Variants in ITGA9 observed in about 807,000 individuals in gnomAD.
ITGA9 encodes integrin alpha-9.
Under a neutral mutation model 127.8 loss-of-function variants are expected in ITGA9, and 56 were observed. That is an observed-to-expected ratio of 0.44 (90% CI 0.35 to 0.55). The LOEUF (loss-of-function observed/expected upper bound fraction) is 0.55, where lower values mean the gene tolerates loss of function less well. Ranked by LOEUF, ITGA9 falls within the 20% of genes least tolerant of loss-of-function variation. ITGA9 has a pLI of 0.00. For missense variants in ITGA9, 1,196 were observed against 1,347.1 expected, an observed-to-expected ratio of 0.89 and a Z score of 1.76; for synonymous variants, 508 against 514.5, an observed-to-expected ratio of 0.99 and a Z score of 0.17.
In ITGA9 at chr3:37,471,045, G is replaced by C; in HGVS notation, c.224G>C (p.Ser75Thr). 5 of 1,614,034 alleles carry C rather than the reference G, an allele frequency of 3.1e-6. No homozygotes were observed. Among genetic ancestry groups the C allele is most frequent in the Non-Finnish European group, 3.4e-6 (4 of 1,179,978 alleles). ...VGAPKADSKY[S>T]PSVKSPGAVF... is the part of the protein sequence containing the mutation. The stretch of plus-strand genomic sequence containing the variant: ...GCACCAAAGGCAGATTCCAAATACA[G>C]CCCTTCAGTGAAGTCTCCTGGGGCT... Residue 75 changes from serine (S) to threonine (T), a missense_variant, in exon 2 of 28, where the codon AGC (serine) becomes ACC (threonine). Ser to Thr is a moderately conservative substitution (Grantham distance 58, BLOSUM62 1). Coordinates refer to ENST00000264741, the MANE Select transcript of ITGA9 (RefSeq NM_002207.3).
intron 17 of ITGA9, among the ~76,000 whole-genome samples, chr3:37,681,189 C>T (rs374079308): frequency 1.3e-5 from 2 of 152,108 alleles, no homozygotes; most frequent in Non-Finnish European, 2.9e-5. Flanking sequence ...ACAAGAAAAA[C>T]GTATGCTGGT....
At chr3:37,748,948 AAAG>A in intron 22 of ITGA9, 1 of 645,736 alleles carries the variant, frequency 1.5e-6, no homozygotes, top group Non-Finnish European at 2.8e-6. Flanking sequence ...TTAAAAAAAA[AAAG>A]AAAAAAGAAA....
chr3:37,477,499 T>A (rs1157825038), intron 3 of ITGA9, among the ~76,000 whole-genome samples: 1 of 152,146 alleles, frequency 6.6e-6, no homozygotes, highest in Non-Finnish European at 1.5e-5. Flanking sequence ...TGCCTGCCCA[T>A]CTCAGCTCCA....
chr3:37,634,810 C>T (rs148296510), intron 16 of ITGA9, among the ~76,000 whole-genome samples: 110 of 152,344 alleles, frequency 7.2e-4, no homozygotes, highest in Middle Eastern at 3.4e-3. Context: ...TTCTTCTCAA[C>T]TGCACATGGA....
chr3:37,491,620 G>A (rs760783209), intron 4 of ITGA9, among the ~76,000 whole-genome samples: 1 of 152,180 alleles, frequency 6.6e-6, no homozygotes, highest in Non-Finnish European at 1.5e-5. Context: ...GTGTGACCCA[G>A]GCTTGTTGGG....
Position 37,653,809 on chromosome 3 carries a change from C to T in ITGA9, c.1916+19C>T, listed in dbSNP as rs1440766468. On this transcript the variant is annotated intron_variant, in intron 17 of 27. Coordinates refer to ENST00000264741, the MANE Select transcript of ITGA9 (RefSeq NM_002207.3). ...TCTCCAGGTATGTCGGTGTTTCCTT[C>T]AGAGCATTGTTCTCAGGCTCCTTTT... is the stretch of plus-strand genomic sequence containing the variant. 7 of 1,591,332 alleles carry T rather than the reference C, an allele frequency of 4.4e-6. No homozygotes were observed. Among genetic ancestry groups the T allele is most frequent in the Non-Finnish European group, 6.0e-6 (7 of 1,159,438 alleles).
At chr3:37,661,652 C>T (rs1700538247) in intron 17 of ITGA9, among the ~76,000 whole-genome samples, 1 of 152,220 alleles carries the variant, frequency 6.6e-6, no homozygotes, top group African/African-American at 2.4e-5. Context: ...TATCATTGAG[C>T]TCTCTTGATT....
At position 37,582,807 on chromosome 3, in the gene ITGA9, C is replaced by T. The variant is rs79928984; in HGVS notation, c.1689+40222C>T. ...GTCAGGAATTATGTCTTCTACTGTTCCACAACCCACAAAAGAAGATGTCTG... is the reference window on the plus strand; with the variant it reads ...GTCAGGAATTATGTCTTCTACTGTTTCACAACCCACAAAAGAAGATGTCTG... On this transcript the variant is annotated intron_variant, in intron 15 of 27. Transcript: ENST00000264741. Among the ~76,000 whole-genome samples, 595 of 152,280 alleles carry T rather than the reference C, an allele frequency of 3.9e-3. 1 individual carries two copies. The highest frequency in any genetic ancestry group is 0.014 in the African/African-American group (570 of 41,544).
intron 13 of ITGA9, among the ~76,000 whole-genome samples, chr3:37,526,286 C>T (rs1203043943): frequency 6.6e-6 from 1 of 152,076 alleles, no homozygotes; most frequent in Non-Finnish European, 1.5e-5. Context: ...ATGATAACAT[C>T]CTGGGAGCTT....
chr3:37,803,946 A>G lies in ITGA9; in HGVS notation c.3009+4A>G. ...GCTGGCCGTGCTGCTCTGGAAGGTGAGTCTGGTGATTGCAGGTCCCCCTGG... is the reference window on the plus strand; with the variant it reads ...GCTGGCCGTGCTGCTCTGGAAGGTGGGTCTGGTGATTGCAGGTCCCCCTGG... On this transcript the variant is annotated splice_donor_region_variant and intron_variant, in intron 27 of 27. Coordinates refer to ENST00000264741, the MANE Select transcript of ITGA9 (RefSeq NM_002207.3). The G allele has an allele frequency of 1.2e-6, 2 of 1,613,952 alleles. No individual in the cohort carries two copies. The highest frequency in any genetic ancestry group is 2.2e-5 in the South Asian group (2 of 91,066).
chr3:37,756,597 T>C (rs1294991637), intron 23 of ITGA9, among the ~76,000 whole-genome samples: 1 of 152,210 alleles, frequency 6.6e-6, no homozygotes, highest in Non-Finnish European at 1.5e-5. Context: ...CCCAATCTTA[T>C]TTTCCTCATC....
chr3:37,739,564 G>C (rs1696406257), intron 20 of ITGA9, among the ~76,000 whole-genome samples: 1 of 152,176 alleles, frequency 6.6e-6, no homozygotes, highest in Non-Finnish European at 1.5e-5. Flanking sequence ...GTAGATTTAG[G>C]GGGACATAAC....
chr3:37,525,783 T>C (rs57478510), intron 12 of ITGA9, among the ~76,000 whole-genome samples: 7,698 of 152,278 alleles, frequency 0.051, 546 homozygotes, highest in African/African-American at 0.16. Flanking sequence ...TAGTTTACAC[T>C]CACAGCACCT....
intron 27 of ITGA9, 78 bp from the exon 28 acceptor site, chr3:37,818,813 G>C (rs928703646): frequency 6.5e-6 from 7 of 1,068,848 alleles, no homozygotes; most frequent in Non-Finnish European, 1.0e-5. Flanking sequence ...CACCTACCCA[G>C]GGACAGACTG....
chr3:37,689,485 C>T (rs574549911), intron 18 of ITGA9, among the ~76,000 whole-genome samples: 1 of 152,328 alleles, frequency 6.6e-6, no homozygotes, highest in South Asian at 2.1e-4. Context: ...GGGGCAGGCC[C>T]AGTGCACCGT....
rs67516814 is a variant in ITGA9, at chr3:37,654,190, C to CCACACACA, written c.1916+434_1916+441dup. On this transcript the variant is annotated intron_variant, in intron 17 of 27. Transcript: ENST00000264741. Reference sequence around the variant, plus strand: ...AATAAAGGTTTATGCCCTCCTGCCTCCACACACACACACACACACACACAC... The same window carrying CCACACACA: ...AATAAAGGTTTATGCCCTCCTGCCTCCACACACACACACACACACACACACACACACAC... Among the ~76,000 whole-genome samples the CCACACACA allele has an allele frequency of 5.3e-3, 779 of 146,390 alleles. 5 individuals are homozygous for CCACACACA. Among genetic ancestry groups the CCACACACA allele is most frequent in the African/African-American group, 0.012 (485 of 39,360 alleles).
rs1697405287 is a variant in ITGA9, at chr3:37,814,437, G to C, written c.3010-4454G>C. ...AAAATTAGCCAGGCCTGGTGGTGCA[G>C]ACCTGTAATTCCAGCTACTTGGGAG... On this transcript the variant is annotated intron_variant, in intron 27 of 27. Transcript: ENST00000264741. The surrounding 1 kb of genome is among the most constrained non-coding windows in gnomAD (Gnocchi z 4.3). 6.6e-6 allele frequency among the ~76,000 whole-genome samples: 1 copy of C among 152,106 alleles called. No individual in the cohort carries two copies. The highest frequency in any genetic ancestry group is 2.4e-5 in the African/African-American group (1 of 41,424).
chr3:37,745,234 A>G (rs1696486779), intron 22 of ITGA9, among the ~76,000 whole-genome samples: 1 of 152,202 alleles, frequency 6.6e-6, no homozygotes, highest in Admixed American at 6.5e-5. Flanking sequence ...TCCCCAGAGT[A>G]TTCTCCCAGC....
At chr3:37,626,270 A>T (rs1199870152) in intron 15 of ITGA9, among the ~76,000 whole-genome samples, 3 of 152,258 alleles carry the variant, frequency 2.0e-5, no homozygotes, top group Non-Finnish European at 4.4e-5. Context: ...TTTTATGGAC[A>T]GCAAGAAAAG....
Sources: gnomAD v4.1 joint callset for allele counts (sites outside exome capture counted in the v4.1 genomes callset) on GRCh38, gnomAD v4.1.1 for gene constraint, Gnocchi (gnomAD v3.1) non-coding constraint, MANE v1.5 for transcripts, NCBI Gene and HGNC (gene_info 2026-07-23, HGNC 2026-07-21) for gene names.